The following WHRN variants were observed in gnomAD, a reference collection of about 807,000 sequenced individuals.
The protein encoded by WHRN is whirlin, also known as CASK-interacting protein CIP98.
In WHRN, 41 loss-of-function variants were observed where a neutral mutation model predicts 68.3. The ratio of observed to expected loss-of-function variants is 0.60; its 90% CI spans 0.47 to 0.78. The LOEUF is 0.78. Among genes scored for constraint, WHRN ranks in the 30% least tolerant of loss-of-function variants. The probability of loss-of-function intolerance (pLI) is 0.00; values close to 1 mark genes in which losing one functional copy is unlikely to be tolerated. For synonymous variants in WHRN, 560 were observed against 561.3 expected, an observed-to-expected ratio of 1.00 and a Z score of 0.03; for missense variants, 1,243 against 1,244.7, an observed-to-expected ratio of 1.00 and a Z score of 0.02.
intron 2 of WHRN, among the ~76,000 whole-genome samples, chr9:114,475,662 G>A (rs182509856): frequency 4.6e-5 from 7 of 152,268 alleles, no homozygotes; most frequent in Non-Finnish European, 7.4e-5. Context: ...GAGTCTGGCC[G>A]TGGCTTTTTG....
At chr9:114,469,986 T>G (rs990434012) in intron 2 of WHRN, among the ~76,000 whole-genome samples, 2 of 152,164 alleles carry the variant, frequency 1.3e-5, no homozygotes, top group Admixed American at 1.3e-4. Flanking sequence ...CGTCTCCCTT[T>G]CTCTGACCTC....
At chr9:114,473,902 G>A (rs921628045) in intron 2 of WHRN, among the ~76,000 whole-genome samples, 1 of 152,154 alleles carries the variant, frequency 6.6e-6, no homozygotes, top group African/African-American at 2.4e-5. Flanking sequence ...TAGCCTGCAG[G>A]AGGCATGGAG....
intron 1 of WHRN, among the ~76,000 whole-genome samples, chr9:114,486,953 G>A (rs1454916661): frequency 2.6e-5 from 3 of 115,418 alleles, no homozygotes; most frequent in African/African-American, 1.4e-4. Context: ...GTGTGTGTGT[G>A]TGTGTGTATA....
In WHRN at chr9:114,402,939, G is replaced by A. The variant is rs371689205; in HGVS notation, c.2542-3C>T. On this transcript the variant is annotated splice_polypyrimidine_tract_variant and splice_region_variant and intron_variant, in intron 11 of 11. Coordinates refer to ENST00000362057, the MANE Select transcript of WHRN (RefSeq NM_015404.4). ...CAGTTGTGAGCTGAGCCGCCTCTCT[G>A]CAGGGAGGAGACACAGGGCATGGGG... 5 of 1,608,232 alleles carry A rather than the reference G, an allele frequency of 3.1e-6. No individual in the cohort carries two copies. Among genetic ancestry groups the A allele is most frequent in the Non-Finnish European group, 4.2e-6 (5 of 1,177,624 alleles).
intron 1 of WHRN, among the ~76,000 whole-genome samples, chr9:114,479,135 T>C (rs1389750336): frequency 1.3e-5 from 2 of 152,168 alleles, no homozygotes; most frequent in Non-Finnish European, 2.9e-5. Context: ...GACTGAGAAA[T>C]GCGGCTCATG....
intron 2 of WHRN, among the ~76,000 whole-genome samples, chr9:114,470,510 G>T (rs1841119589): frequency 6.6e-6 from 1 of 152,176 alleles, no homozygotes; most frequent in African/African-American, 2.4e-5. Flanking sequence ...CTCCAAAGTG[G>T]ACTGCAGGAA....
chr9:114,455,713 CAAAAA>C (rs34546424), intron 3 of WHRN, among the ~76,000 whole-genome samples: 5 of 123,314 alleles, frequency 4.1e-5, no homozygotes, highest in Non-Finnish European at 3.5e-5. Flanking sequence ...GACCCTGTCT[CAAAAA>C]AAAAAAAAAA....
At position 114,419,425 on chromosome 9, in the gene WHRN, G is replaced by C. The variant is rs543009359; in HGVS notation, c.1626+3889C>G. Among the ~76,000 whole-genome samples, 9 of 152,352 alleles carry C rather than the reference G, an allele frequency of 5.9e-5. No individual in the cohort carries two copies. The South Asian group carries it at 1.9e-3, about 32-fold the overall frequency. On this transcript the variant is annotated intron_variant, in intron 7 of 11. Coordinates refer to ENST00000362057, the MANE Select transcript of WHRN (RefSeq NM_015404.4). ...TGAGCACTAGGGATAGGGACTCAATGGTAACCGCACGTGCGATCGCTGCCC... is the reference window on the plus strand; with the variant it reads ...TGAGCACTAGGGATAGGGACTCAATCGTAACCGCACGTGCGATCGCTGCCC...
intron 2 of WHRN, 85 bp downstream of exon 2, chr9:114,478,468 C>T (rs757005979): frequency 1.3e-5 from 19 of 1,450,292 alleles, no homozygotes; most frequent in Middle Eastern, 1.7e-4. Flanking sequence ...CCTCTTCTTG[C>T]GGCCTCCAAG....
At chr9:114,464,174 A>T (rs2132921643) in intron 3 of WHRN, among the ~76,000 whole-genome samples, 1 of 152,356 alleles carries the variant, frequency 6.6e-6, no homozygotes, top group South Asian at 2.1e-4. Flanking sequence ...CGGGAGTATC[A>T]TGAGGTCAAA....
At chr9:114,491,295 A>G (rs1369618250) in intron 1 of WHRN, among the ~76,000 whole-genome samples, 2 of 152,198 alleles carry the variant, frequency 1.3e-5, no homozygotes, top group Non-Finnish European at 2.9e-5. Flanking sequence ...CAGATGAAAA[A>G]TCTGAATTCA....
intron 3 of WHRN, among the ~76,000 whole-genome samples, chr9:114,430,808 C>T (rs1424346099): frequency 6.6e-6 from 1 of 152,202 alleles, no homozygotes; most frequent in Non-Finnish European, 1.5e-5. Flanking sequence ...AGCCCATCTT[C>T]CCAATCTCTT....
At chr9:114,434,832 T>A (rs1236082652) in intron 3 of WHRN, among the ~76,000 whole-genome samples, 1 of 152,168 alleles carries the variant, frequency 6.6e-6, no homozygotes, top group Non-Finnish European at 1.5e-5. Context: ...AATGCCCCAG[T>A]AGCTTCCAAG....
At chr9:114,449,217 G>A (rs1839097551) in intron 3 of WHRN, among the ~76,000 whole-genome samples, 1 of 152,186 alleles carries the variant, frequency 6.6e-6, no homozygotes, top group African/African-American at 2.4e-5. Context: ...AAGCCAGAAG[G>A]GCAACCAATG....
At chr9:114,426,140 G>C in intron 4 of WHRN, 71 bp downstream of exon 4, 1 of 1,599,494 alleles carries the variant, frequency 6.3e-7, no homozygotes, top group East Asian at 2.2e-5. Flanking sequence ...TGGAGGGATG[G>C]GAGGCAGCTA....
rs1834773125 is a variant in WHRN at position 114,402,872 on chromosome 9, C to T, written c.2606G>A (p.Gly869Glu). ...KVGHVILEVN[G>E]LTLRGKEHRE... ...GTGCTCCTTGCCCCGAAGCGTCAGC[C>T]CATTCACTTCCAGAATCACGTGGCC... The change falls in exon 12 of 12, where the codon GGG (glycine) becomes GAG (glutamate). Residue 869 changes from glycine (G) to glutamate (E), a missense_variant. Gly to Glu is a moderately conservative substitution (Grantham distance 98). Transcript: ENST00000362057. The T allele has an allele frequency of 1.9e-6, 3 of 1,614,044 alleles. No homozygotes were observed. In the African/African-American group the frequency reaches 4.0e-5, roughly 22 times the overall value.
At chr9:114,492,211 G>T (rs560927969) in intron 1 of WHRN, among the ~76,000 whole-genome samples, 2 of 152,018 alleles carry the variant, frequency 1.3e-5, no homozygotes, top group African/African-American at 2.4e-5. Flanking sequence ...CCGTCCCAGG[G>T]GCAGTCTGGC....
Position 114,504,032 on chromosome 9 carries a change from G to T in WHRN, c.618+152C>A, listed in dbSNP as rs967714104. The T allele has an allele frequency of 4.2e-6, 5 of 1,204,336 alleles. No homozygotes were observed. The South Asian group carries it at 5.7e-5, about 14-fold the overall frequency. The allele number at this position is 1,204,336 out of a possible 1,614,324, so 74.6% of individuals were successfully genotyped here. A position where few individuals can be genotyped will look rare whatever the true frequency, so the allele number is the denominator to read the frequency against. Reference sequence around the variant, plus strand: ...TGCCTGAGAGCTATTTGCTCTGTAAGCTATACATTCCTGTTTTAAAGTATT... The same window carrying T: ...TGCCTGAGAGCTATTTGCTCTGTAATCTATACATTCCTGTTTTAAAGTATT... On this transcript the variant is annotated intron_variant, in intron 1 of 11. Coordinates refer to ENST00000362057, the MANE Select transcript of WHRN (RefSeq NM_015404.4).
At chr9:114,403,401 T>TGGGCC (rs1834808771) in intron 10 of WHRN, 62 bp from the exon 11 acceptor site, 1 of 1,609,838 alleles carries the variant, frequency 6.2e-7, no homozygotes, top group East Asian at 2.2e-5. Flanking sequence ...GCCAGGGGGC[T>TGGGCC]GGGCCGGGCC....
Sources: allele counts gnomAD v4.1 joint callset (sites outside exome capture counted in the v4.1 genomes callset), GRCh38; gene constraint gnomAD v4.1.1; transcripts MANE v1.5; gene names NCBI Gene and HGNC (gene_info 2026-07-23, HGNC 2026-07-21).